Variants in OPA1 observed in about 807,000 individuals in gnomAD.
OPA1 encodes the protein OPA1 mitochondrial dynamin like GTPase.
In OPA1, 59 loss-of-function variants were observed where a neutral mutation model predicts 152.9. The observed-to-expected ratio is 0.39, with a 90% CI of 0.31 to 0.48. The LOEUF (loss-of-function observed/expected upper bound fraction) is 0.48, where lower values mean the gene tolerates loss of function less well. OPA1 is among the 20% of genes least tolerant of loss of function. The pLI is 0.96. For missense variants in OPA1, 1,008 were observed against 1,216.8 expected, an observed-to-expected ratio of 0.83 and a Z score of 2.55; for synonymous variants, 400 against 389.9, an observed-to-expected ratio of 1.03 and a Z score of -0.31.
At position 193,614,947 on chromosome 3, in the gene OPA1, G is replaced by A; in HGVS notation, c.257G>A (p.Arg86Lys). Reference protein sequence around the residue: ...SPIKYGYQPRRNFWPARLATR... With the variant: ...SPIKYGYQPRKNFWPARLATR... ...ATTAAATATGGCTACCAGCCTCGCA[G>A]GAATTTTTGGCCAGCAAGATTAGCT... is the stretch of plus-strand genomic sequence containing the variant. The change falls in exon 2 of 31, where the codon AGG becomes AAG. Residue 86 changes from arginine (R) to lysine (K), a missense_variant. Physicochemically the swap from Arg to Lys is conservative, Grantham distance 26. Around this residue, in one of 7 missense-constraint regions of OPA1, gnomAD observed 408 missense variants for 395.1 expected, o/e 1.03. Coordinates refer to ENST00000361510, the MANE Select transcript of OPA1 (RefSeq NM_130837.3). 1 of 1,614,038 alleles carries A rather than the reference G, an allele frequency of 6.2e-7. No homozygotes were observed. The highest frequency in any genetic ancestry group is 8.5e-7 in the Non-Finnish European group (1 of 1,179,938).
chr3:193,645,833 A>G (rs553901392), intron 18 of OPA1, 33 bp downstream of exon 18: 4 of 1,494,314 alleles, frequency 2.7e-6, no homozygotes, highest in East Asian at 2.3e-5. Flanking sequence ...TAAACATTTT[A>G]CAGTAAGAGA....
At chr3:193,654,751 CA>C in intron 21 of OPA1, 110 bp from the exon 22 acceptor site, 1 of 1,182,876 alleles carries the variant, frequency 8.5e-7, no homozygotes, top group South Asian at 1.4e-5. Flanking sequence ...GAAAACTTAT[CA>C]AAATTTTAAA....
chr3:193,642,808 A>T lies in OPA1; in HGVS notation c.1193A>T (p.Asp398Val). ...CCTCACCATGTGGCCCTATTTAAAG[A>T]TAGTTCTCGGGAGTTTGATCTTACC... is the stretch of plus-strand genomic sequence containing the variant. ...EGPHHVALFK[D>V]SSREFDLTKE... is the part of the protein sequence containing the mutation. Residue 398 changes from aspartate (D) to valine (V), a missense_variant, in exon 12 of 31, where the codon GAT (aspartate) becomes GTT (valine). Asp to Val is a radical substitution (Grantham distance 152). This residue lies in a region of OPA1 where 213 missense variants were observed against 291.4 expected (regional missense o/e 0.73). Coordinates refer to ENST00000361510, the MANE Select transcript of OPA1 (RefSeq NM_130837.3). 6.2e-7 allele frequency: 1 copy of T among 1,613,796 alleles called. No individual in the cohort carries two copies. The highest frequency in any genetic ancestry group is 1.1e-5 in the South Asian group (1 of 91,064).
At chr3:193,639,040 A>C (rs1705413890) in intron 11 of OPA1, among the ~76,000 whole-genome samples, 1 of 152,210 alleles carries the variant, frequency 6.6e-6, no homozygotes, top group Non-Finnish European at 1.5e-5. Flanking sequence ...GGAAAATTGC[A>C]AGAGCAAAGT....
intron 21 of OPA1, among the ~76,000 whole-genome samples, 185 bp from the exon 22 acceptor site, chr3:193,654,677 C>T (rs1421555613): frequency 6.6e-6 from 1 of 152,040 alleles, no homozygotes; most frequent in Non-Finnish European, 1.5e-5. Context: ...GTGGTTACAA[C>T]TTTTGAGGAT....
intron 29 of OPA1, among the ~76,000 whole-genome samples, chr3:193,678,799 A>G (rs1048995263): frequency 2.6e-5 from 4 of 152,108 alleles, no homozygotes; most frequent in Admixed American, 1.3e-4. Flanking sequence ...TTGTGTATTC[A>G]TTATATCCCC....
chr3:193,607,799 A>G (rs1394314217), intron 1 of OPA1, among the ~76,000 whole-genome samples: 2 of 152,288 alleles, frequency 1.3e-5, no homozygotes, highest in East Asian at 3.9e-4. Context: ...TCTGTGAAGA[A>G]AGTCTTTGGT....
intron 1 of OPA1, among the ~76,000 whole-genome samples, chr3:193,611,454 G>A (rs1309862286): frequency 6.6e-6 from 1 of 152,002 alleles, no homozygotes; most frequent in Non-Finnish European, 1.5e-5. Flanking sequence ...CAGATTAGCT[G>A]GGCATGGTGG....
chr3:193,617,508 C>T (rs1276266603), intron 4 of OPA1, among the ~76,000 whole-genome samples: 1 of 152,100 alleles, frequency 6.6e-6, no homozygotes, highest in Non-Finnish European at 1.5e-5. Flanking sequence ...ACATACTTGG[C>T]TTTTAGTGAG....
At chr3:193,627,872 G>T (rs1236190210) in intron 7 of OPA1, among the ~76,000 whole-genome samples, 1 of 152,078 alleles carries the variant, frequency 6.6e-6, no homozygotes, top group Non-Finnish European at 1.5e-5. Context: ...TTGTAAATTA[G>T]AGACTGGCAA....
At chr3:193,632,771 A>G (rs1170174624) in intron 8 of OPA1, among the ~76,000 whole-genome samples, 1 of 152,030 alleles carries the variant, frequency 6.6e-6, no homozygotes, top group Non-Finnish European at 1.5e-5. Flanking sequence ...CTGGGAGGCT[A>G]AGGCGGGAGG....
chr3:193,612,700 C>T (rs552127246), intron 1 of OPA1, among the ~76,000 whole-genome samples: 206 of 152,254 alleles, frequency 1.4e-3, no homozygotes, highest in African/African-American at 3.9e-3. Context: ...AATTTTTATA[C>T]GTAAAATTAG....
At chr3:193,650,691 G>T (rs922903210) in intron 21 of OPA1, among the ~76,000 whole-genome samples, 3 of 152,084 alleles carry the variant, frequency 2.0e-5, no homozygotes, top group Non-Finnish European at 2.9e-5. Flanking sequence ...TTTTAGGAAG[G>T]TTATTAGGGG....
chr3:193,601,233 C>T (rs1726409557), intron 1 of OPA1, among the ~76,000 whole-genome samples: 2 of 152,084 alleles, frequency 1.3e-5, no homozygotes, highest in Non-Finnish European at 2.9e-5. Context: ...CCAGGAACCC[C>T]AGTGGAATCT....
intron 1 of OPA1, among the ~76,000 whole-genome samples, chr3:193,613,368 AT>A (rs953954030): frequency 2.2e-4 from 32 of 148,644 alleles, no homozygotes; most frequent in African/African-American, 7.2e-4. Context: ...TAAAAAAAAA[AT>A]TTGTAAAATA....
chr3:193,656,643 A>T (rs1713894040), intron 22 of OPA1, among the ~76,000 whole-genome samples: 1 of 152,208 alleles, frequency 6.6e-6, no homozygotes, highest in Non-Finnish European at 1.5e-5. Flanking sequence ...AGAGGTTGAA[A>T]TAAATAAATG....
At chr3:193,675,969 C>A (rs1718905624) in intron 29 of OPA1, among the ~76,000 whole-genome samples, 1 of 152,216 alleles carries the variant, frequency 6.6e-6, no homozygotes. Flanking sequence ...CTGCTCATTT[C>A]TCTTGTAGAG....
chr3:193,681,468 A>G (rs1720112640), intron 29 of OPA1, among the ~76,000 whole-genome samples: 1 of 152,248 alleles, frequency 6.6e-6, no homozygotes, highest in Non-Finnish European at 1.5e-5. Context: ...AAATCCAGGC[A>G]AGTGAAATAA....
intron 26 of OPA1, 71 bp downstream of exon 26, chr3:193,663,033 T>A: frequency 2.1e-6 from 3 of 1,451,770 alleles, no homozygotes; most frequent in Non-Finnish European, 2.9e-6. Flanking sequence ...TGTTACTACA[T>A]GTGTTAGTTA....
Sources: allele counts gnomAD v4.1 joint callset (sites outside exome capture counted in the v4.1 genomes callset), GRCh38; gene constraint gnomAD v4.1.1; regional missense constraint gnomAD v4.1.1; transcripts MANE v1.5; gene names NCBI Gene and HGNC (gene_info 2026-07-23, HGNC 2026-07-21).